Variants in DCAF6 observed in about 807,000 individuals in gnomAD.
DCAF6 encodes the protein DDB1 and CUL4 associated factor 6.
Under a neutral mutation model 125.1 loss-of-function variants are expected in DCAF6, and 54 were observed. The observed-to-expected ratio is 0.43, with a 90% confidence interval of 0.35 to 0.54. The LOEUF is 0.54. Ranked by LOEUF, DCAF6 falls within the 20% of genes least tolerant of loss-of-function variation. The pLI, the probability that DCAF6 is intolerant of heterozygous loss-of-function variation, is 0.01. For missense variants in DCAF6, 934 were observed against 1,161.7 expected, an observed-to-expected ratio of 0.80 and a Z score of 2.85; for synonymous variants, 371 against 390.4, an observed-to-expected ratio of 0.95 and a Z score of 0.58.
intron 7 of DCAF6, among the ~76,000 whole-genome samples, chr1:167,994,623 T>G (rs1681380534): frequency 1.3e-5 from 2 of 152,160 alleles, no homozygotes; most frequent in Admixed American, 1.3e-4. Flanking sequence ...GATAATGAAT[T>G]TATTATTTAT....
At chr1:167,895,296 A>G in the DCAF6 span, among the ~76,000 whole-genome samples, 1 of 152,266 alleles carries the variant, frequency 6.6e-6, no homozygotes, top group South Asian at 2.1e-4. Context: ...AGTAAAGCTC[A>G]AGGAGTGGGT....
chr1:167,979,795 G>C (rs1386321760), intron 4 of DCAF6, among the ~76,000 whole-genome samples: 1 of 152,176 alleles, frequency 6.6e-6, no homozygotes, highest in Non-Finnish European at 1.5e-5. Context: ...GCTGAGGCAG[G>C]AGAATCACTT....
intron 17 of DCAF6, among the ~76,000 whole-genome samples, chr1:168,053,240 TATGTTTTC>T (rs1202242541): frequency 6.6e-6 from 1 of 152,240 alleles, no homozygotes; most frequent in East Asian, 1.9e-4. Context: ...TGTATATTTG[TATGTTTTC>T]ATATATAAGA....
At chr1:168,067,701 A>G (rs1230684970) in intron 20 of DCAF6, among the ~76,000 whole-genome samples, 1 of 152,202 alleles carries the variant, frequency 6.6e-6, no homozygotes, top group Non-Finnish European at 1.5e-5. Context: ...TTATTTCAGT[A>G]TTGGGGAACT....
intron 14 of DCAF6, 143 bp downstream of exon 14, chr1:168,043,283 A>G (rs1481479282): frequency 1.6e-6 from 1 of 641,168 alleles, no homozygotes; most frequent in Admixed American, 2.7e-5. Context: ...AAACTGATAG[A>G]TAGCAAATCC....
In DCAF6 at chr1:168,038,438, C is replaced by T. The variant is rs1688107321; in HGVS notation, c.1677C>T (p.Ser559=). ...TGEPVLSLHY[S]TEGTTTSTIK... ...AACCAGTTTTAAGTTTGCACTACAG[C>T]ACAGAAGGAACAACTACAAGCACAA... Residue 559 remains serine (S), a synonymous_variant, in exon 13 of 22, where the codon AGC becomes AGT. Coordinates refer to ENST00000367840, the MANE Select transcript of DCAF6 (RefSeq NM_001198956.2). 1 of 1,611,372 alleles carries T rather than the reference C, an allele frequency of 6.2e-7. No homozygotes were observed. The highest frequency in any genetic ancestry group is 8.5e-7 in the Non-Finnish European group (1 of 1,178,916).
In DCAF6 at chr1:168,075,757, T is replaced by C. The variant is rs1693724084; in HGVS notation, c.*322T>C. ...AGAATAATTTTCATCATAGTGAAAA[T>C]GTTGGTTCAAATAAATTTCTACACT... On this transcript the variant is annotated 3_prime_UTR_variant, in exon 22 of 22. Transcript: ENST00000367840. 4.7e-6 allele frequency: 1 copy of C among 213,420 alleles called. No homozygotes were observed. Among genetic ancestry groups the C allele is most frequent in the Non-Finnish European group, 9.2e-6 (1 of 108,698 alleles). The allele number at this position is 213,420 out of a possible 1,614,324, so 13.2% of individuals were successfully genotyped here.
rs752448825 is a variant in DCAF6 at position 168,037,103 on chromosome 1, C to CT, written c.1610-1268_1610-1267insT. ...AGAGGTTCTATGAGATTCTCCCCCC[C>CT]CTTTTTTTTTTTTTTTTTGAGATGA... is the stretch of plus-strand genomic sequence containing the variant. On this transcript the variant is annotated intron_variant, in intron 12 of 21. Coordinates refer to ENST00000367840, the MANE Select transcript of DCAF6 (RefSeq NM_001198956.2). Among the ~76,000 whole-genome samples, 963 of 148,292 alleles carry CT rather than the reference C, an allele frequency of 6.5e-3. 12 individuals carry two copies. The highest frequency in any genetic ancestry group is 0.051 in the East Asian group (257 of 5,084).
intron 12 of DCAF6, among the ~76,000 whole-genome samples, chr1:168,034,019 T>C (rs894106518): frequency 1.3e-5 from 2 of 152,242 alleles, no homozygotes; most frequent in African/African-American, 4.8e-5. Context: ...TTTCCTATAC[T>C]ATGATGCCAA....
intron 16 of DCAF6, among the ~76,000 whole-genome samples, chr1:168,046,169 A>G (rs1689133645): frequency 6.6e-6 from 1 of 152,082 alleles, no homozygotes; most frequent in Non-Finnish European, 1.5e-5. Context: ...AAATTACTTA[A>G]TGACTCTTAA....
chr1:168,069,983 A>G (rs1692827086), intron 21 of DCAF6, among the ~76,000 whole-genome samples: 1 of 152,106 alleles, frequency 6.6e-6, no homozygotes, highest in Non-Finnish European at 1.5e-5. Flanking sequence ...AAATGTGCTT[A>G]CTCTTATCTA....
intron 4 of DCAF6, among the ~76,000 whole-genome samples, chr1:167,980,042 G>A (rs1330905244): frequency 6.6e-6 from 1 of 152,052 alleles, no homozygotes; most frequent in Non-Finnish European, 1.5e-5. Flanking sequence ...TTAGCTGGAT[G>A]TGGTGGCATG....
chr1:167,978,682 G>C (rs552074808), intron 4 of DCAF6, among the ~76,000 whole-genome samples: 109 of 152,114 alleles, frequency 7.2e-4, no homozygotes, highest in Middle Eastern at 3.4e-3. Flanking sequence ...GGAGGGTGCG[G>C]TTTGTGTGTT....
At chr1:167,967,516 A>G (rs1676597673) in intron 3 of DCAF6, among the ~76,000 whole-genome samples, 1 of 152,208 alleles carries the variant, frequency 6.6e-6, no homozygotes, top group Non-Finnish European at 1.5e-5. Context: ...GATGTTCTTT[A>G]CACTTGACAT....
chr1:167,987,474 C>A (rs2102985945), intron 4 of DCAF6, 21 bp from the exon 5 acceptor site: 1 of 1,128,726 alleles, frequency 8.9e-7, no homozygotes, highest in Non-Finnish European at 1.3e-6. Flanking sequence ...TGATTATCTG[C>A]ACTTTTCTTT....
intron 4 of DCAF6, among the ~76,000 whole-genome samples, chr1:167,979,394 C>T (rs1277668467): frequency 6.6e-6 from 1 of 152,118 alleles, no homozygotes; most frequent in African/African-American, 2.4e-5. Context: ...ATCCTAGTCC[C>T]TGGCAACCAT....
chr1:167,907,932 C>A, the DCAF6 span, among the ~76,000 whole-genome samples: 1 of 152,124 alleles, frequency 6.6e-6, no homozygotes, highest in African/African-American at 2.4e-5. Flanking sequence ...CAGAGGTAAG[C>A]CTCCATGGGC....
At chr1:167,976,770 T>C (rs1483819622) in intron 4 of DCAF6, among the ~76,000 whole-genome samples, 4 of 152,118 alleles carry the variant, frequency 2.6e-5, no homozygotes, top group Non-Finnish European at 5.9e-5. Flanking sequence ...TTACTGTTAG[T>C]GTTGTTTGTT....
intron 1 of DCAF6, among the ~76,000 whole-genome samples, chr1:167,946,545 T>A (rs896779395): frequency 6.6e-6 from 1 of 152,186 alleles, no homozygotes; most frequent in Non-Finnish European, 1.5e-5. Context: ...GTATGATCTT[T>A]CTGTGCCTAG....
Sources: allele counts gnomAD v4.1 joint callset (sites outside exome capture counted in the v4.1 genomes callset), GRCh38; gene constraint gnomAD v4.1.1; transcripts MANE v1.5; gene names NCBI Gene and HGNC (gene_info 2026-07-23, HGNC 2026-07-21).